Variants in GFRA1 observed in about 807,000 individuals in gnomAD.
GFRA1 encodes GDNF family receptor alpha-1.
GFRA1 carries 16 observed loss-of-function variants against 51.6 expected under a neutral mutation model. The ratio of observed to expected loss-of-function variants is 0.31; its 90% confidence interval spans 0.21 to 0.47. The LOEUF (loss-of-function observed/expected upper bound fraction) is 0.47, where lower values mean the gene tolerates loss of function less well. GFRA1 is among the 20% of genes least tolerant of loss of function. GFRA1 has a pLI of 1.00. For missense variants in GFRA1, 530 were observed against 594.3 expected (o/e 0.89, Z 1.13); for synonymous variants, 270 against 241.3 (o/e 1.12, Z -1.10).
In GFRA1 at chr10:116,132,867, C is replaced by G. The variant is rs142300775; in HGVS notation, c.434-7310G>C. Among the ~76,000 whole-genome samples, 5 of 152,206 alleles carry G rather than the reference C, an allele frequency of 3.3e-5. No homozygotes were observed. In the East Asian group the frequency reaches 9.7e-4, roughly 29 times the overall value. On this transcript the variant is annotated intron_variant, in intron 5 of 10. Coordinates refer to ENST00000355422, the MANE Select transcript of GFRA1 (RefSeq NM_005264.8). ...GCCAGCCCTCCATCAGCTCACACAC[C>G]GCACGGAGGATCAGGAGCCCGCCTG...
Position 116,270,817 on chromosome 10 carries a change from C to T in GFRA1, c.334+5G>A, listed in dbSNP as rs772265596. On this transcript the variant is annotated splice_donor_5th_base_variant and intron_variant, in intron 3 of 10. Coordinates refer to ENST00000355422, the MANE Select transcript of GFRA1 (RefSeq NM_005264.8). Reference sequence around the variant, plus strand: ...CGGGGTGGGGTGGGGAGGTTCCACGCGTACCCTGCAGGCTCTGGTACATGC... The same window carrying T: ...CGGGGTGGGGTGGGGAGGTTCCACGTGTACCCTGCAGGCTCTGGTACATGC... The T allele has an allele frequency of 1.9e-6, 3 of 1,609,588 alleles. No homozygotes were observed. Among genetic ancestry groups the T allele is most frequent in the Admixed American group, 1.7e-5 (1 of 59,954 alleles).
intron 5 of GFRA1, among the ~76,000 whole-genome samples, chr10:116,161,792 A>T (rs1282948288): frequency 6.6e-6 from 1 of 152,188 alleles, no homozygotes; most frequent in Admixed American, 6.5e-5. Flanking sequence ...TCTTTCCTTT[A>T]TAAATTACTC....
rs138616558 is a variant in GFRA1 at position 116,093,993 on chromosome 10, G to A, written c.881-157C>T. ...ATTATGTTAAGCAGTGCATTTTCTC[G>A]GCAATTTATCTTGAGCACATAAAAT... On this transcript the variant is annotated intron_variant, in intron 7 of 10. Coordinates refer to ENST00000355422, the MANE Select transcript of GFRA1 (RefSeq NM_005264.8). Among the ~76,000 whole-genome samples, 6 of 152,162 alleles carry A rather than the reference G, an allele frequency of 3.9e-5. No individual in the cohort carries two copies. In the East Asian group the frequency reaches 5.8e-4, roughly 15 times the overall value.
Position 116,062,114 on chromosome 10 carries a change from C to T in GFRA1, c.*2284G>A, listed in dbSNP as rs902601000. 4 of 398,428 alleles carry T rather than the reference C, an allele frequency of 1.0e-5. No individual in the cohort carries two copies. Among genetic ancestry groups the T allele is most frequent in the East Asian group, 3.6e-5 (1 of 28,076 alleles). 24.7% of individuals were successfully genotyped at this position (398,428 alleles called of 1,614,324 possible). A position where few individuals can be genotyped will look rare whatever the true frequency, so the allele number is the denominator to read the frequency against. On this transcript the variant is annotated 3_prime_UTR_variant, in exon 11 of 11. Transcript: ENST00000355422. The stretch of plus-strand genomic sequence containing the variant: ...CTTCAATGAAGGCTGCCCTTGTTAG[C>T]GCTGAAACTCCCATTTCCGCTTTGG...
intron 9 of GFRA1, among the ~76,000 whole-genome samples, chr10:116,077,916 C>T (rs1955687297): frequency 6.6e-6 from 1 of 152,106 alleles, no homozygotes; most frequent in African/African-American, 2.4e-5. Context: ...AGTAGGGCCC[C>T]GGAGATTAAG....
rs1332737873 is a variant in GFRA1, at chr10:116,270,958, C to T, written c.198G>A (p.Leu66=). ...KETNFSLASG[L]EAKDECRSAM... ...CGCTGCGGCACTCATCCTTGGCCTCCAGGCCGGATGCCAGGCTGAAGTTGG... is the reference window on the plus strand; with the variant it reads ...CGCTGCGGCACTCATCCTTGGCCTCTAGGCCGGATGCCAGGCTGAAGTTGG... The change falls in exon 3 of 11, where the codon CTG becomes CTA. Residue 66 remains leucine, a synonymous_variant. Transcript: ENST00000355422. 2.5e-6 allele frequency: 4 copies of T among 1,614,094 alleles called. No homozygotes were observed. Among genetic ancestry groups the T allele is most frequent in the Non-Finnish European group, 3.4e-6 (4 of 1,180,060 alleles).
intron 5 of GFRA1, among the ~76,000 whole-genome samples, chr10:116,136,916 T>C (rs1958349647): frequency 6.6e-6 from 1 of 152,214 alleles, no homozygotes; most frequent in South Asian, 2.1e-4. Context: ...AAGGATTTTT[T>C]CCTGTGGGTG....
intron 5 of GFRA1, among the ~76,000 whole-genome samples, chr10:116,166,121 C>T (rs1461334255): frequency 6.6e-6 from 1 of 152,214 alleles, no homozygotes; most frequent in Non-Finnish European, 1.5e-5. Flanking sequence ...CTTCAAAGGA[C>T]ATGATCTCAG....
upstream of GFRA1, among the ~76,000 whole-genome samples, chr10:116,274,556 C>G (rs1049164904): frequency 6.6e-6 from 1 of 152,170 alleles, no homozygotes; most frequent in Non-Finnish European, 1.5e-5. Flanking sequence ...AGGCGCGCCC[C>G]TCGGCTGCAG....
At chr10:116,233,214 G>C (rs1333578721) in intron 4 of GFRA1, among the ~76,000 whole-genome samples, 1 of 152,116 alleles carries the variant, frequency 6.6e-6, no homozygotes, top group African/African-American at 2.4e-5. Context: ...TGTAATCCCA[G>C]CTACTCAGGA....
At chr10:116,232,432 T>G (rs759582453) in intron 4 of GFRA1, among the ~76,000 whole-genome samples, 1 of 152,186 alleles carries the variant, frequency 6.6e-6, no homozygotes, top group Non-Finnish European at 1.5e-5. Context: ...GTGTTTACAT[T>G]TTTATACCTA....
At chr10:116,114,731 T>TG (rs933428614) in intron 6 of GFRA1, among the ~76,000 whole-genome samples, 3 of 150,120 alleles carry the variant, frequency 2.0e-5, no homozygotes, top group South Asian at 2.1e-4. Flanking sequence ...CTCTCTGTTC[T>TG]GGGGGGTATC....
At chr10:116,233,276 C>A (rs1966796452) in intron 4 of GFRA1, among the ~76,000 whole-genome samples, 1 of 151,108 alleles carries the variant, frequency 6.6e-6, no homozygotes, top group Non-Finnish European at 1.5e-5. Context: ...TGCAGTGAGC[C>A]AAGATTGCAC....
chr10:116,105,548 C>CGAAGGAATTT (rs1956974871), intron 6 of GFRA1, among the ~76,000 whole-genome samples: 1 of 152,192 alleles, frequency 6.6e-6, no homozygotes, highest in Non-Finnish European at 1.5e-5. Flanking sequence ...TACGCACACC[C>CGAAGGAATTT]TGTCTTCAGA....
intron 4 of GFRA1, among the ~76,000 whole-genome samples, chr10:116,221,422 C>T (rs763258027): frequency 1.3e-5 from 2 of 152,112 alleles, no homozygotes; most frequent in South Asian, 2.1e-4. Flanking sequence ...AGAGAATTCA[C>T]GTTCATACTA....
At chr10:116,066,661 C>G (rs1010651039) in intron 9 of GFRA1, among the ~76,000 whole-genome samples, 3 of 152,116 alleles carry the variant, frequency 2.0e-5, no homozygotes, top group Admixed American at 2.0e-4. Flanking sequence ...GGATGCAGAC[C>G]CAGTCTCTTC....
rs556161225 is a variant in GFRA1, at chr10:116,059,032, A to T, written c.*5366T>A. The T allele has an allele frequency of 6.6e-6, 1 of 152,264 alleles. No individual in the cohort carries two copies. Among genetic ancestry groups the T allele is most frequent in the East Asian group, 1.9e-4 (1 of 5,168 alleles). The allele number at this position is 152,264 out of a possible 1,614,324, so 9.4% of individuals were successfully genotyped here. A position where few individuals can be genotyped will look rare whatever the true frequency, so the allele number is the denominator to read the frequency against. On this transcript the variant is annotated 3_prime_UTR_variant, in exon 11 of 11. Transcript: ENST00000355422. The stretch of plus-strand genomic sequence containing the variant: ...GCAGGAAATGCCACGGGCAGATTTA[A>T]AGTCACTTGGATCCCAGTGCTTTTT...
chr10:116,139,426 C>A (rs1172640529), intron 5 of GFRA1, among the ~76,000 whole-genome samples: 2 of 152,224 alleles, frequency 1.3e-5, no homozygotes, highest in Non-Finnish European at 2.9e-5. Flanking sequence ...CTACCAAGGA[C>A]TCCAGGCTTC....
At chr10:116,107,300 C>T (rs1223088965) in intron 6 of GFRA1, among the ~76,000 whole-genome samples, 1 of 152,158 alleles carries the variant, frequency 6.6e-6, no homozygotes, top group Non-Finnish European at 1.5e-5. Context: ...TGGACCAGCC[C>T]AGGGGGTCCA....
Sources: gnomAD v4.1 joint callset for allele counts (sites outside exome capture counted in the v4.1 genomes callset) on GRCh38, gnomAD v4.1.1 for gene constraint, MANE v1.5 for transcripts, NCBI Gene and HGNC (gene_info 2026-07-23, HGNC 2026-07-21) for gene names.